SLC6A12: variants seen among roughly 807,000 people sequenced by gnomAD.
SLC6A12 encodes sodium- and chloride-dependent betaine transporter.
In SLC6A12, 50 loss-of-function variants were observed where a neutral mutation model predicts 73.3. That is an observed-to-expected ratio of 0.68 (90% CI 0.54 to 0.86). SLC6A12 has a LOEUF of 0.86. Among genes scored for constraint, SLC6A12 ranks in the 40% least tolerant of loss-of-function variants. SLC6A12 has a pLI of 0.00. For synonymous variants in SLC6A12, 304 were observed against 309.2 expected, an observed-to-expected ratio of 0.98 and a Z score of 0.18; for missense variants, 648 against 772.8, an observed-to-expected ratio of 0.84 and a Z score of 1.92.
chr12:212,466 T>A (rs74057622), intron 1 of SLC6A12, among the ~76,000 whole-genome samples: 3,785 of 152,124 alleles, frequency 0.025, 130 homozygotes, highest in African/African-American at 0.077. Context: ...ATAGGGGAAG[T>A]GCAAAAAGAG....
At chr12:197,168 T>C (rs1591786090) in intron 10 of SLC6A12, among the ~76,000 whole-genome samples, 2 of 67,792 alleles carry the variant, frequency 3.0e-5, no homozygotes, top group African/African-American at 9.7e-5. Flanking sequence ...CATCCATCCA[T>C]CCATCCATCC....
At position 213,625 on chromosome 12, in the gene SLC6A12, C is replaced by G. The variant is rs1565482430; in HGVS notation, c.-143+297G>C. On this transcript the variant is annotated intron_variant, in intron 1 of 15. Coordinates refer to ENST00000684302, the MANE Select transcript of SLC6A12 (RefSeq NM_001122848.3). This position sits in a 1 kb window ranked among gnomAD's most constrained non-coding sequence, Gnocchi z 5.3. ...TGCTTCCCCTCCCCTCGTCAGATGA[C>G]CACCCCTGCTTTCACCCACTGCCGT... The G allele has an allele frequency of 6.5e-6, 1 of 153,066 alleles. No individual in the cohort carries two copies. Among genetic ancestry groups the G allele is most frequent in the Non-Finnish European group, 1.5e-5 (1 of 68,658 alleles). The allele number at this position is 153,066 out of a possible 1,614,324, so 9.5% of individuals were successfully genotyped here. A position where few individuals can be genotyped will look rare whatever the true frequency, so the allele number is the denominator to read the frequency against.
downstream of SLC6A12, among the ~76,000 whole-genome samples, chr12:187,734 A>T (rs1377277363): frequency 6.6e-6 from 1 of 151,350 alleles, no homozygotes; most frequent in Non-Finnish European, 1.5e-5. Flanking sequence ...CCCCACCCAC[A>T]TCCTGCTGAT....
intron 7 of SLC6A12, among the ~76,000 whole-genome samples, chr12:200,268 C>T (rs574105587): frequency 4.0e-5 from 6 of 151,028 alleles, no homozygotes; most frequent in African/African-American, 1.2e-4. Context: ...ACCACCACGC[C>T]CGGCTAATTT....
intron 13 of SLC6A12, among the ~76,000 whole-genome samples, 179 bp from the exon 14 acceptor site, chr12:193,556 A>G (rs1204641456): frequency 2.0e-5 from 3 of 152,224 alleles, no homozygotes; most frequent in African/African-American, 7.2e-5. Context: ...CATGAGATGC[A>G]TTCGAGTCAC....
At chr12:188,172 G>A (rs963724424), downstream of SLC6A12, among the ~76,000 whole-genome samples, 10 of 152,214 alleles carry the variant, frequency 6.6e-5, no homozygotes, top group African/African-American at 2.2e-4. Flanking sequence ...GCAGGGGGCG[G>A]CGCTGGTCGG....
At chr12:212,891 AG>A (rs148939393) in intron 1 of SLC6A12, among the ~76,000 whole-genome samples, 3,963 of 152,182 alleles carry the variant, frequency 0.026, 151 homozygotes, top group African/African-American at 0.08. Context: ...AAGCCGGGAC[AG>A]GGGGGTGAGG....
At chr12:192,913 G>A (rs1939677328) in intron 14 of SLC6A12, 2 of 441,030 alleles carry the variant, frequency 4.5e-6, no homozygotes. Context: ...AGGAAGGGAG[G>A]GGCTCGGAAG....
chr12:196,734 C>A, intron 11 of SLC6A12, 36 bp downstream of exon 11: 1 of 1,465,232 alleles, frequency 6.8e-7, no homozygotes, highest in South Asian at 1.1e-5. Flanking sequence ...GCAAGAGGGT[C>A]ACCACGGCAG....
chr12:204,889 C>A (rs867248161), intron 3 of SLC6A12, 191 bp from the exon 4 acceptor site: 42 of 602,938 alleles, frequency 7.0e-5, no homozygotes, highest in African/African-American at 6.9e-4. Context: ...TGGGAATGTT[C>A]TGATCTGAAC....
At chr12:185,773 A>C (rs76958545), downstream of SLC6A12, among the ~76,000 whole-genome samples, 5 of 152,298 alleles carry the variant, frequency 3.3e-5, no homozygotes, top group Non-Finnish European at 5.9e-5. Flanking sequence ...GGAAGCAGAG[A>C]GCGCTGGAGT....
chr12:210,873 TAG>T (rs1940878461), intron 2 of SLC6A12, among the ~76,000 whole-genome samples: 2 of 152,112 alleles, frequency 1.3e-5, no homozygotes, highest in African/African-American at 4.8e-5. Flanking sequence ...CCTGCCCTCC[TAG>T]AGAGCCCAAA....
chr12:186,478 C>A (rs913936597), downstream of SLC6A12, among the ~76,000 whole-genome samples: 6 of 152,318 alleles, frequency 3.9e-5, no homozygotes, highest in African/African-American at 1.4e-4. Flanking sequence ...GCATTTGGGG[C>A]CCACTTGGCT....
rs781052661 is a variant in SLC6A12, at chr12:190,503, G to C, written c.*565C>G. The C allele has an allele frequency of 6.6e-6, 1 of 152,206 alleles. No individual in the cohort carries two copies. The highest frequency in any genetic ancestry group is 1.5e-5 in the Non-Finnish European group (1 of 68,044). 9.4% of individuals were successfully genotyped at this position (152,206 alleles called of 1,614,324 possible). A position where few individuals can be genotyped will look rare whatever the true frequency, so the allele number is the denominator to read the frequency against. ...CAGTGCGGAACTAGGGCAGGAGCTG[G>C]AGATGCCATGAGAGACTCGGAGGAA... On this transcript the variant is annotated 3_prime_UTR_variant, in exon 16 of 16. Transcript: ENST00000684302.
In SLC6A12 at chr12:191,103, C is replaced by T. The variant is rs1233666290; in HGVS notation, c.1810G>A (p.Gly604Arg). Residue 604 changes from glycine (G) to arginine (R), a missense_variant, in exon 16 of 16, where the codon GGA becomes AGA. By Grantham distance (125) the Gly-to-Arg change is moderately radical. Transcript: ENST00000684302. ...GTCTCCTTCTCCCCGGCTATCAGTC[C>T]TTCCCTTGTTGGGGAGGGCCCAAAG... is the stretch of plus-strand genomic sequence containing the variant. The part of the protein sequence containing the change: ...RNFGPSPTRE[G>R]LIAGEKETHL 7.4e-7 allele frequency: 1 copy of T among 1,353,704 alleles called. No homozygotes were observed. Among genetic ancestry groups the T allele is most frequent in the Non-Finnish European group, 9.6e-7 (1 of 1,040,128 alleles). 83.9% of individuals were successfully genotyped at this position (1,353,704 alleles called of 1,614,324 possible). A position where few individuals can be genotyped will look rare whatever the true frequency, so the allele number is the denominator to read the frequency against.
intron 12 of SLC6A12, among the ~76,000 whole-genome samples, chr12:195,851 C>T (rs905452535): frequency 6.6e-6 from 1 of 152,172 alleles, no homozygotes; most frequent in Non-Finnish European, 1.5e-5. Context: ...CTGGATCCAA[C>T]CACACCGAAA....
intron 3 of SLC6A12, 163 bp downstream of exon 3, chr12:209,610 C>T (rs1244642380): frequency 2.6e-5 from 18 of 688,866 alleles, no homozygotes; most frequent in East Asian, 5.4e-5. Context: ...CAGAGAGGGA[C>T]GCTGAGGCTA....
rs372047651 is a variant in SLC6A12, at chr12:210,823, G to A, written c.-57-780C>T. Among the ~76,000 whole-genome samples, 7 of 152,312 alleles carry A rather than the reference G, an allele frequency of 4.6e-5. No homozygotes were observed. In the South Asian group the frequency reaches 1.2e-3, roughly 27 times the overall value. ...GGCTCCTCAAAAGGGAGGCCCAGCA[G>A]TGGCTGCCCCTCTCAGCAGGTCACT... is the stretch of plus-strand genomic sequence containing the variant. On this transcript the variant is annotated intron_variant, in intron 2 of 15. Coordinates refer to ENST00000684302, the MANE Select transcript of SLC6A12 (RefSeq NM_001122848.3).
intron 3 of SLC6A12, 78 bp downstream of exon 3, chr12:209,695 G>T: frequency 6.7e-7 from 1 of 1,500,378 alleles, no homozygotes; most frequent in Non-Finnish European, 9.3e-7. Context: ...CACTGCCCAG[G>T]AAGGAGGGCC....
Sources: allele counts gnomAD v4.1 joint callset (sites outside exome capture counted in the v4.1 genomes callset), GRCh38; gene constraint gnomAD v4.1.1; non-coding constraint Gnocchi (gnomAD v3.1); transcripts MANE v1.5; gene names NCBI Gene and HGNC (gene_info 2026-07-23, HGNC 2026-07-21).